ZNF496: variants seen among roughly 807,000 people sequenced by gnomAD.
ZNF496 encodes the protein zinc finger protein 496, also known as NSD1 (nuclear receptor binding SET-domain containing 1)-interacting zinc finger protein 1.
Under a neutral mutation model 58.9 loss-of-function variants are expected in ZNF496, and 11 were observed. The ratio of observed to expected loss-of-function variants is 0.19; its 90% confidence interval spans 0.12 to 0.31. The LOEUF (loss-of-function observed/expected upper bound fraction) is 0.31, where lower values mean the gene tolerates loss of function less well. Among genes scored for constraint, ZNF496 ranks in the 10% least tolerant of loss-of-function variants. The pLI, the probability that ZNF496 is intolerant of heterozygous loss-of-function variation, is 1.00. For synonymous variants in ZNF496, 338 were observed against 318.2 expected, an observed-to-expected ratio of 1.06 and a Z score of -0.66; for missense variants, 660 against 783.0, an observed-to-expected ratio of 0.84 and a Z score of 1.88.
At chr1:247,315,207 C>CA (rs1156695292) in intron 6 of ZNF496, among the ~76,000 whole-genome samples, 1 of 151,830 alleles carries the variant, frequency 6.6e-6, no homozygotes, top group Admixed American at 6.6e-5. Context: ...CATATGTATC[C>CA]CAGTGATCAC....
rs1348714678 is a variant in ZNF496, at chr1:247,298,987, G to A, written c.*1532C>T. ...TTGAGTATGATTCTTCCATGCAGAG[G>A]ACACCTGCCCTAAATGCTGAAACTT... is the stretch of plus-strand genomic sequence containing the variant. On this transcript the variant is annotated 3_prime_UTR_variant, in exon 10 of 10. Coordinates refer to ENST00000682384, the MANE Select transcript of ZNF496 (RefSeq NM_032752.3). The A allele has an allele frequency of 6.6e-6, 1 of 152,202 alleles. No homozygotes were observed. The allele number at this position is 152,202 out of a possible 1,614,324, so 9.4% of individuals were successfully genotyped here. A position where few individuals can be genotyped will look rare whatever the true frequency, so the allele number is the denominator to read the frequency against.
In ZNF496 at chr1:247,308,676, C is replaced by T. The variant is rs546389231; in HGVS notation, c.893-88G>A. ...TGCTATCCGAATAGATGCCAGGCTA[C>T]GATCTGGGGGCGGCCCTGGGCTCCG... On this transcript the variant is annotated intron_variant, in intron 8 of 9. Coordinates refer to ENST00000682384, the MANE Select transcript of ZNF496 (RefSeq NM_032752.3). This position sits in a 1 kb window ranked among gnomAD's most constrained non-coding sequence, Gnocchi z 4.5. The T allele has an allele frequency of 3.0e-5, 39 of 1,294,272 alleles. No individual in the cohort carries two copies. The East Asian group carries it at 4.3e-4, about 14-fold the overall frequency. 80.2% of individuals were successfully genotyped at this position (1,294,272 alleles called of 1,614,324 possible).
chr1:247,330,941 T>C (rs1572099946), intron 2 of ZNF496, among the ~76,000 whole-genome samples: 1 of 152,250 alleles, frequency 6.6e-6, no homozygotes, highest in East Asian at 1.9e-4. Context: ...GAAACCCATA[T>C]GGGGGCCGTG....
chr1:247,300,721 C>T lies in ZNF496; in HGVS notation c.1562G>A (p.Ser521Asn). The T allele has an allele frequency of 6.2e-7, 1 of 1,613,638 alleles. No individual in the cohort carries two copies. Among genetic ancestry groups the T allele is most frequent in the South Asian group, 1.1e-5 (1 of 91,056 alleles). Residue 521 changes from serine (S) to asparagine (N), a missense_variant, in exon 10 of 10, where the codon AGC becomes AAC. Transcript: ENST00000682384. This position sits in a 1 kb window ranked among gnomAD's most constrained non-coding sequence, Gnocchi z 5.7. ...EPLENGKAKL[S>N]FQCCECGKAF... ...CTTCCCACACTCACAGCACTGGAAG[C>T]TCAGTTTGGCCTTGCCGTTTTCCAG... is the stretch of plus-strand genomic sequence containing the variant.
chr1:247,324,847 T>C (rs1189353777), intron 5 of ZNF496, among the ~76,000 whole-genome samples: 2 of 152,222 alleles, frequency 1.3e-5, no homozygotes, highest in Non-Finnish European at 2.9e-5. Context: ...ATACAAAATG[T>C]AAAGTGTGGC....
rs564574310 is a variant in ZNF496, at chr1:247,301,136, G to A, written c.1147C>T (p.Arg383Cys). Residue 383 changes from arginine (R) to cysteine (C), a missense_variant, in exon 10 of 10, where the codon CGC becomes TGC. Arg to Cys is a radical substitution (Grantham distance 180). Transcript: ENST00000682384. ...EELGSPTEKQ[R>C]SLPASHRSST... ...CTCCGGTGGGAGGCGGGGAGGCTGC[G>A]CTGCTTCTCTGTGGGGCTCCCCAGC... 9.9e-6 allele frequency: 16 copies of A among 1,613,604 alleles called. No homozygotes were observed. The East Asian group carries it at 2.5e-4, about 25-fold the overall frequency.
intron 6 of ZNF496, chr1:247,311,935 T>G (rs1361203981): frequency 6.6e-6 from 1 of 152,326 alleles, no homozygotes; most frequent in Non-Finnish European, 1.5e-5. Flanking sequence ...CTGCGGGTCT[T>G]GCGCTCTGGG....
At chr1:247,322,102 C>T (rs777132650) in intron 6 of ZNF496, among the ~76,000 whole-genome samples, 2 of 152,158 alleles carry the variant, frequency 1.3e-5, no homozygotes, top group South Asian at 2.1e-4. Context: ...GGCAACATGG[C>T]GAGACCCTGT....
intron 6 of ZNF496, among the ~76,000 whole-genome samples, chr1:247,322,011 G>A (rs1659979050): frequency 6.6e-6 from 1 of 152,216 alleles, no homozygotes; most frequent in Non-Finnish European, 1.5e-5. Flanking sequence ...GCTGGGCACA[G>A]TGGCTCATGC....
chr1:247,327,470 A>G (rs1460449621), intron 5 of ZNF496, among the ~76,000 whole-genome samples: 2 of 152,226 alleles, frequency 1.3e-5, no homozygotes, highest in African/African-American at 2.4e-5. Flanking sequence ...CTGCTGATAC[A>G]TTGACTTCAG....
chr1:247,318,314 A>C (rs973658983), intron 6 of ZNF496, among the ~76,000 whole-genome samples: 8 of 152,244 alleles, frequency 5.3e-5, no homozygotes, highest in Non-Finnish European at 8.8e-5. Context: ...GGGACTAAAA[A>C]AGTACTAGAA....
At position 247,309,610 on chromosome 1, in the gene ZNF496, G is replaced by A. The variant is rs896256127; in HGVS notation, c.892+89C>T. 6.8e-5 allele frequency: 106 copies of A among 1,551,860 alleles called. No individual in the cohort carries two copies. The highest frequency in any genetic ancestry group is 1.7e-4 in the South Asian group (14 of 82,716). On this transcript the variant is annotated intron_variant, in intron 8 of 9. Coordinates refer to ENST00000682384, the MANE Select transcript of ZNF496 (RefSeq NM_032752.3). This position sits in a 1 kb window ranked among gnomAD's most constrained non-coding sequence, Gnocchi z 4.3. ...GAAATGAAGAAGGCAATTAGGGGCC[G>A]CAGAGAGAAGCCAGAGAGTGGGCTC...
At position 247,308,638 on chromosome 1, in the gene ZNF496, C is replaced by A; in HGVS notation, c.893-50G>T. On this transcript the variant is annotated intron_variant, in intron 8 of 9. Coordinates refer to ENST00000682384, the MANE Select transcript of ZNF496 (RefSeq NM_032752.3). This position sits in a 1 kb window ranked among gnomAD's most constrained non-coding sequence, Gnocchi z 4.5. Reference sequence around the variant, plus strand: ...ATTGATTTGTTTTGCACCTACAGCACTACCTGGGAGGGTGCTATCCGAATA... The same window carrying A: ...ATTGATTTGTTTTGCACCTACAGCAATACCTGGGAGGGTGCTATCCGAATA... 1.9e-6 allele frequency: 3 copies of A among 1,538,940 alleles called. No individual in the cohort carries two copies. The highest frequency in any genetic ancestry group is 2.7e-6 in the Non-Finnish European group (3 of 1,112,814).
At chr1:247,313,433 C>T (rs1294389495) in intron 6 of ZNF496, 1 of 152,204 alleles carries the variant, frequency 6.6e-6, no homozygotes, top group Non-Finnish European at 1.5e-5. Context: ...CACCTCATCC[C>T]TATCTTGTTT....
chr1:247,312,118 G>A (rs1659621069), intron 6 of ZNF496: 1 of 152,178 alleles, frequency 6.6e-6, no homozygotes, highest in Non-Finnish European at 1.5e-5. Context: ...CGATCTTTAA[G>A]TTCTGCTTCC....
chr1:247,304,887 A>T (rs896063584), intron 9 of ZNF496, among the ~76,000 whole-genome samples: 1 of 152,052 alleles, frequency 6.6e-6, no homozygotes, highest in Non-Finnish European at 1.5e-5. Context: ...TGAGATGTTG[A>T]TATTTAGATG....
At position 247,301,202 on chromosome 1, in the gene ZNF496, C is replaced by T; in HGVS notation, c.1081G>A (p.Gly361Arg). 1 of 1,577,720 alleles carries T rather than the reference C, an allele frequency of 6.3e-7. No individual in the cohort carries two copies. Among genetic ancestry groups the T allele is most frequent in the South Asian group, 1.1e-5 (1 of 87,084 alleles). Residue 361 changes from glycine to arginine, a missense_variant, in exon 10 of 10, where the codon GGG (glycine) becomes AGG (arginine). Coordinates refer to ENST00000682384, the MANE Select transcript of ZNF496 (RefSeq NM_032752.3). The stretch of plus-strand genomic sequence containing the variant: ...GGGCCATGCTGGGAGTCCTCGTCCC[C>T]AGAGCTGGAGAGAACGATCTCGATG... The part of the protein sequence containing the change: ...VTIEIVLSSS[G>R]DEDSQHGPYC...
At chr1:247,325,526 TTTAC>T (rs1660092572) in intron 5 of ZNF496, among the ~76,000 whole-genome samples, 1 of 152,196 alleles carries the variant, frequency 6.6e-6, no homozygotes, top group African/African-American at 2.4e-5. Flanking sequence ...ACATTTCTTA[TTTAC>T]TTTCTTAGCA....
At position 247,309,940 on chromosome 1, in the gene ZNF496, C is replaced by T; in HGVS notation, c.785-134G>A. The T allele has an allele frequency of 7.5e-7, 1 of 1,334,142 alleles. No homozygotes were observed. The allele number at this position is 1,334,142 out of a possible 1,614,324, so 82.6% of individuals were successfully genotyped here. A position where few individuals can be genotyped will look rare whatever the true frequency, so the allele number is the denominator to read the frequency against. ...CATCAGGGGCGAGAAGTGAAAAGGCCAGAGCTGGCAGTGCAGGGGCAGTGG... is the reference window on the plus strand; with the variant it reads ...CATCAGGGGCGAGAAGTGAAAAGGCTAGAGCTGGCAGTGCAGGGGCAGTGG... On this transcript the variant is annotated intron_variant, in intron 7 of 9. Coordinates refer to ENST00000682384, the MANE Select transcript of ZNF496 (RefSeq NM_032752.3). The surrounding 1 kb of genome is among the most constrained non-coding windows in gnomAD (Gnocchi z 4.3).
Sources: gnomAD v4.1 joint callset for allele counts (sites outside exome capture counted in the v4.1 genomes callset) on GRCh38, gnomAD v4.1.1 for gene constraint, Gnocchi (gnomAD v3.1) non-coding constraint, MANE v1.5 for transcripts, NCBI Gene and HGNC (gene_info 2026-07-23, HGNC 2026-07-21) for gene names.